ASIC2: variants seen among roughly 807,000 people sequenced by gnomAD.
ASIC2 encodes the protein acid-sensing ion channel 2.
Under a neutral mutation model 57.3 loss-of-function variants are expected in ASIC2, and 25 were observed. The ratio of observed to expected loss-of-function variants is 0.44; its 90% CI spans 0.32 to 0.61. The LOEUF is 0.61. ASIC2 is among the 20% of genes least tolerant of loss of function. ASIC2 has a pLI of 0.06. For missense variants in ASIC2, 641 were observed against 738.1 expected (o/e 0.87, Z 1.52); for synonymous variants, 319 against 307.5 (o/e 1.04, Z -0.39).
At chr17:33,601,106 T>C (rs965652648) in intron 1 of ASIC2, among the ~76,000 whole-genome samples, 1 of 152,130 alleles carries the variant, frequency 6.6e-6, no homozygotes, top group African/African-American at 2.4e-5. Context: ...GGATTTATAA[T>C]TAAAAGGAAA....
At chr17:33,073,037 C>T (rs1168448643) in intron 3 of ASIC2, among the ~76,000 whole-genome samples, 2 of 152,178 alleles carry the variant, frequency 1.3e-5, no homozygotes, top group African/African-American at 4.8e-5. Context: ...AGCACGTTTC[C>T]TTGGAAAACT....
chr17:34,059,013 G>A (rs1193944428), intron 1 of ASIC2, among the ~76,000 whole-genome samples: 2 of 152,172 alleles, frequency 1.3e-5, no homozygotes, highest in Non-Finnish European at 2.9e-5. Flanking sequence ...CAGGAGGCAG[G>A]ACTAGATTGC....
At chr17:33,023,837 G>T in intron 6 of ASIC2, 24 bp downstream of exon 6, 1 of 1,612,968 alleles carries the variant, frequency 6.2e-7, no homozygotes. Context: ...CCTTCCCCCT[G>T]CCTACCATGC....
chr17:33,246,960 C>A (rs576238487), intron 1 of ASIC2, among the ~76,000 whole-genome samples: 1 of 152,062 alleles, frequency 6.6e-6, no homozygotes, highest in African/African-American at 2.4e-5. Flanking sequence ...GAGCCAACAA[C>A]AAGAAGAAAA....
rs140747591 is a variant in ASIC2 at position 33,556,596 on chromosome 17, T to G, written c.556-444529A>C. Among the ~76,000 whole-genome samples the G allele has an allele frequency of 5.4e-3, 826 of 152,352 alleles. 6 individuals are homozygous for G. The highest frequency in any genetic ancestry group is 0.019 in the African/African-American group (785 of 41,584). On this transcript the variant is annotated intron_variant, in intron 1 of 9. Transcript: ENST00000359872. ...TAAACTTTTGTGAAGCATAATGAAATAGATTCTGCTAATCTAAAGGTTTGT... is the reference window on the plus strand; with the variant it reads ...TAAACTTTTGTGAAGCATAATGAAAGAGATTCTGCTAATCTAAAGGTTTGT...
intron 1 of ASIC2, among the ~76,000 whole-genome samples, chr17:33,579,043 T>A (rs954684486): frequency 6.6e-6 from 1 of 152,046 alleles, no homozygotes; most frequent in Admixed American, 6.6e-5. Context: ...CCCAGCACTT[T>A]GGGAGGTCGA....
chr17:33,579,153 G>A (rs1320938450), intron 1 of ASIC2, among the ~76,000 whole-genome samples: 2 of 151,996 alleles, frequency 1.3e-5, no homozygotes, highest in Admixed American at 6.6e-5. Flanking sequence ...AGGCATGATG[G>A]TGGGCGCCTG....
At chr17:34,094,063 G>C (rs1043813204) in intron 1 of ASIC2, among the ~76,000 whole-genome samples, 1 of 152,178 alleles carries the variant, frequency 6.6e-6, no homozygotes, top group East Asian at 1.9e-4. Flanking sequence ...GGAGGAAGAA[G>C]AACGAACTAT....
intron 1 of ASIC2, among the ~76,000 whole-genome samples, chr17:34,031,973 C>T (rs991783068): frequency 6.6e-6 from 1 of 152,112 alleles, no homozygotes; most frequent in Non-Finnish European, 1.5e-5. Context: ...CCCAATCTAG[C>T]AAGGCAGACC....
At chr17:33,852,992 C>T (rs978940470) in intron 1 of ASIC2, among the ~76,000 whole-genome samples, 1 of 152,094 alleles carries the variant, frequency 6.6e-6, no homozygotes, top group Non-Finnish European at 1.5e-5. Flanking sequence ...GCCTTTCCCC[C>T]CCGTCATAGA....
intron 1 of ASIC2, among the ~76,000 whole-genome samples, chr17:33,321,581 T>C (rs1474489973): frequency 1.3e-5 from 2 of 152,204 alleles, no homozygotes; most frequent in Non-Finnish European, 2.9e-5. Flanking sequence ...TTAAAGATTA[T>C]ATTTCTAGCA....
At chr17:33,807,885 T>C (rs1365034545) in intron 1 of ASIC2, among the ~76,000 whole-genome samples, 3 of 152,270 alleles carry the variant, frequency 2.0e-5, no homozygotes, top group Admixed American at 2.0e-4. Flanking sequence ...TTTAAAAATA[T>C]GTTGTTTTAT....
intron 1 of ASIC2, among the ~76,000 whole-genome samples, chr17:33,249,280 G>C (rs62067899): frequency 6.6e-6 from 1 of 151,964 alleles, no homozygotes; most frequent in Non-Finnish European, 1.5e-5. Context: ...AAATGGGGGC[G>C]TGGTGAGATG....
chr17:33,658,643 G>A (rs193171543), intron 1 of ASIC2, among the ~76,000 whole-genome samples: 18 of 152,242 alleles, frequency 1.2e-4, no homozygotes, highest in African/African-American at 4.1e-4. Flanking sequence ...GGGGCAAAAG[G>A]GCTCCCTCAA....
At chr17:33,017,418 C>G (rs550674468) in intron 8 of ASIC2, among the ~76,000 whole-genome samples, 187 bp downstream of exon 8, 9 of 152,286 alleles carry the variant, frequency 5.9e-5, no homozygotes, top group South Asian at 2.1e-4. Context: ...CACCGCCCCC[C>G]AAAAACCTCC....
chr17:33,612,840 T>C (rs569395422), intron 1 of ASIC2, among the ~76,000 whole-genome samples: 1 of 152,320 alleles, frequency 6.6e-6, no homozygotes, highest in Admixed American at 6.5e-5. Flanking sequence ...ATTTATTTGT[T>C]ATTACAGCAT....
chr17:33,465,951 G>T (rs7208436), intron 1 of ASIC2, among the ~76,000 whole-genome samples: 33,104 of 152,044 alleles, frequency 0.22, 3,731 homozygotes, highest in Non-Finnish European at 0.24. Context: ...GTTTCCTCAG[G>T]ATAAAGCCAG....
intron 1 of ASIC2, among the ~76,000 whole-genome samples, chr17:34,026,761 G>A (rs1171861859): frequency 6.6e-6 from 1 of 152,132 alleles, no homozygotes; most frequent in South Asian, 2.1e-4. Flanking sequence ...TTGCAGATGA[G>A]AAAACTGAGG....
At chr17:33,525,065 G>A (rs891282783) in intron 1 of ASIC2, among the ~76,000 whole-genome samples, 8 of 152,082 alleles carry the variant, frequency 5.3e-5, no homozygotes, top group Non-Finnish European at 7.4e-5. Context: ...CCCCATCACC[G>A]ATACCTGTGT....
Sources: gnomAD v4.1 joint callset for allele counts (sites outside exome capture counted in the v4.1 genomes callset) on GRCh38, gnomAD v4.1.1 for gene constraint, MANE v1.5 for transcripts, NCBI Gene and HGNC (gene_info 2026-07-23, HGNC 2026-07-21) for gene names.